Variants in RAB6A observed in about 807,000 individuals in gnomAD.
The protein encoded by RAB6A is RAB6A, member RAS oncogene family.
RAB6A carries 8 observed loss-of-function variants against 32.3 expected under a neutral mutation model. That is an observed-to-expected ratio of 0.25 (90% confidence interval 0.15 to 0.45). The LOEUF (loss-of-function observed/expected upper bound fraction) is 0.45. Among genes scored for constraint, RAB6A ranks in the 20% least tolerant of loss-of-function variants. The probability of loss-of-function intolerance (pLI) is 1.00; values close to 1 mark genes in which losing one functional copy is unlikely to be tolerated. For missense variants in RAB6A, 104 were observed against 249.4 expected (o/e 0.42, Z 3.93); for synonymous variants, 73 against 82.1 (o/e 0.89, Z 0.60).
chr11:73,685,700 G>GA (rs1341193359), intron 6 of RAB6A, among the ~76,000 whole-genome samples: 2 of 146,106 alleles, frequency 1.4e-5, no homozygotes, highest in Non-Finnish European at 3.0e-5. Context: ...CCAACATGGT[G>GA]AAACCCCATC....
intron 5 of RAB6A, among the ~76,000 whole-genome samples, chr11:73,710,132 GTGT>G (rs1945928012): frequency 3.2e-5 from 1 of 31,244 alleles, no homozygotes; most frequent in Non-Finnish European, 8.4e-5. Context: ...CTAATTTTTT[GTGT>G]TTTTTTTTTT....
intron 2 of RAB6A, among the ~76,000 whole-genome samples, chr11:73,724,826 T>C (rs548726573): frequency 6.6e-6 from 1 of 152,176 alleles, no homozygotes; most frequent in Non-Finnish European, 1.5e-5. Context: ...ACTAGATTAA[T>C]AAATTATTTG....
Position 73,677,582 on chromosome 11 carries a change from T to A in RAB6A, c.*316A>T, listed in dbSNP as rs1304233118. ...AAGCCATACTCATACTGTTGAGATT[T>A]CCATCATTTTGAAGTACATTATCAT... On this transcript the variant is annotated 3_prime_UTR_variant, in exon 8 of 8. Transcript: ENST00000336083. 1 of 591,842 alleles carries A rather than the reference T, an allele frequency of 1.7e-6. No homozygotes were observed. The highest frequency in any genetic ancestry group is 2.9e-6 in the Non-Finnish European group (1 of 342,036). 36.7% of individuals were successfully genotyped at this position (591,842 alleles called of 1,614,324 possible).
chr11:73,705,149 G>C (rs61903172), intron 6 of RAB6A, among the ~76,000 whole-genome samples: 1 of 152,168 alleles, frequency 6.6e-6, no homozygotes, highest in Non-Finnish European at 1.5e-5. Flanking sequence ...TAGGGTCAGG[G>C]CTAGGGGACT....
chr11:73,741,549 CATGT>C (rs1946496114), intron 1 of RAB6A, among the ~76,000 whole-genome samples: 1 of 151,554 alleles, frequency 6.6e-6, no homozygotes, highest in Non-Finnish European at 1.5e-5. Context: ...AAAGGACGTA[CATGT>C]ATGTTTACAG....
rs182527198 is a variant in RAB6A, at chr11:73,741,860, A to G, written c.71-11037T>C. ...AATTTTTTAAGATTTAATTTTTTAG[A>G]TCAGTTTTAGGTTCACAGCAAAATT... On this transcript the variant is annotated intron_variant, in intron 1 of 7. Coordinates refer to ENST00000336083, the MANE Select transcript of RAB6A (RefSeq NM_198896.2). 4.6e-3 allele frequency among the ~76,000 whole-genome samples: 706 copies of G among 152,356 alleles called. 15 individuals are homozygous for G. Among genetic ancestry groups the G allele is most frequent in the Admixed American group, 0.04 (615 of 15,300 alleles).
intron 6 of RAB6A, among the ~76,000 whole-genome samples, chr11:73,680,574 C>A (rs1809943894): frequency 6.6e-6 from 1 of 151,898 alleles, no homozygotes; most frequent in Non-Finnish European, 1.5e-5. Context: ...ATCACTTGAA[C>A]CTGGGAGGCG....
At chr11:73,754,027 T>G (rs1946708152) in intron 1 of RAB6A, among the ~76,000 whole-genome samples, 1 of 152,262 alleles carries the variant, frequency 6.6e-6, no homozygotes, top group Non-Finnish European at 1.5e-5. Context: ...ATTATTTGAC[T>G]AGTTTAAATG....
chr11:73,691,846 G>A (rs1296661256), intron 6 of RAB6A, among the ~76,000 whole-genome samples: 3 of 152,088 alleles, frequency 2.0e-5, no homozygotes, highest in South Asian at 4.1e-4. Context: ...GGTGGCTTGC[G>A]CCTGTAGTCC....
chr11:73,707,874 A>C lies in RAB6A; in HGVS notation c.402-361T>G, dbSNP rs115527200. ...ACTGCACTCCAGTCTGGGCAACAGAACCTGTCTCAAAAAAAGAAAAAGCTA... is the reference window on the plus strand; with the variant it reads ...ACTGCACTCCAGTCTGGGCAACAGACCCTGTCTCAAAAAAAGAAAAAGCTA... On this transcript the variant is annotated intron_variant, in intron 5 of 7. Transcript: ENST00000336083. Among the ~76,000 whole-genome samples, 824 of 152,274 alleles carry C rather than the reference A, an allele frequency of 5.4e-3. 8 individuals are homozygous for C. The highest frequency in any genetic ancestry group is 0.018 in the African/African-American group (751 of 41,554).
At position 73,686,323 on chromosome 11, in the gene RAB6A, A is replaced by G. The variant is rs1274061576; in HGVS notation, c.496-6603T>C. Among the ~76,000 whole-genome samples the G allele has an allele frequency of 2.0e-5, 3 of 152,152 alleles. No homozygotes were observed. In the South Asian group the frequency reaches 6.2e-4, roughly 32 times the overall value. On this transcript the variant is annotated intron_variant, in intron 6 of 7. Coordinates refer to ENST00000336083, the MANE Select transcript of RAB6A (RefSeq NM_198896.2). ...GTAATCCCAGGACTTTGGGAGGCAA[A>G]GGTGGGGGGATCATTTGAGGTCAGG...
intron 6 of RAB6A, among the ~76,000 whole-genome samples, chr11:73,685,210 C>T (rs1945423705): frequency 6.6e-6 from 1 of 151,830 alleles, no homozygotes; most frequent in Admixed American, 6.6e-5. Context: ...AGTATACTTG[C>T]CTGATTAGAT....
intron 6 of RAB6A, among the ~76,000 whole-genome samples, chr11:73,683,449 G>A (rs1945391930): frequency 6.6e-6 from 1 of 151,232 alleles, no homozygotes; most frequent in Non-Finnish European, 1.5e-5. Flanking sequence ...GTAGAAAAGA[G>A]GTTTTGCCAT....
Position 73,677,560 on chromosome 11 carries a change from C to T in RAB6A, c.*338G>A. ...GTGAACATACCGCTCGTTAACCAAG[C>T]CATACTCATACTGTTGAGATTTCCA... On this transcript the variant is annotated 3_prime_UTR_variant, in exon 8 of 8. Transcript: ENST00000336083. The T allele has an allele frequency of 7.5e-6, 4 of 532,156 alleles. No homozygotes were observed. Among genetic ancestry groups the T allele is most frequent in the Non-Finnish European group, 1.3e-5 (4 of 300,248 alleles). The allele number at this position is 532,156 out of a possible 1,614,324, so 33.0% of individuals were successfully genotyped here. A position where few individuals can be genotyped will look rare whatever the true frequency, so the allele number is the denominator to read the frequency against.
At chr11:73,760,196 A>G in intron 1 of RAB6A, 1 of 1,018,218 alleles carries the variant, frequency 9.8e-7, no homozygotes, top group Non-Finnish European at 1.4e-6. Context: ...CTGGGAAAAG[A>G]GCAAGGAATA....
chr11:73,757,110 TATATATATATATATATA>T (rs1946764373), intron 1 of RAB6A, among the ~76,000 whole-genome samples: 2 of 40,256 alleles, frequency 5.0e-5, no homozygotes, highest in Admixed American at 2.6e-4. Flanking sequence ...TATATATATA[TATATATATATATATATA>T]TATTTTTTTT....
intron 6 of RAB6A, among the ~76,000 whole-genome samples, chr11:73,688,962 C>T (rs1359961846): frequency 5.9e-5 from 9 of 152,076 alleles, no homozygotes; most frequent in African/African-American, 2.2e-4. Flanking sequence ...GAGACCTTGT[C>T]TCTATAAAAA....
At chr11:73,742,644 G>A (rs772744723) in intron 1 of RAB6A, among the ~76,000 whole-genome samples, 6 of 151,790 alleles carry the variant, frequency 4.0e-5, no homozygotes, top group African/African-American at 7.3e-5. Context: ...AAACCCCGTC[G>A]CTACTAAAAA....
chr11:73,693,235 CTG>C (rs1945603666), intron 6 of RAB6A, among the ~76,000 whole-genome samples: 1 of 152,018 alleles, frequency 6.6e-6, no homozygotes, highest in Non-Finnish European at 1.5e-5. Context: ...TTGCAGTGAG[CTG>C]CGATCACGCC....
Sources: gnomAD v4.1 joint callset for allele counts (sites outside exome capture counted in the v4.1 genomes callset) on GRCh38, gnomAD v4.1.1 for gene constraint, MANE v1.5 for transcripts, NCBI Gene and HGNC (gene_info 2026-07-23, HGNC 2026-07-21) for gene names.